DLG3: variants seen among roughly 807,000 people sequenced by gnomAD.
DLG3 encodes disks large homolog 3.
DLG3 carries 1 observed loss-of-function variant against 64.1 expected under a neutral mutation model. The ratio of observed to expected loss-of-function variants is 0.02; its 90% CI spans 0.01 to 0.07. The LOEUF is 0.07. DLG3 is among the 10% of genes least tolerant of loss of function. The pLI is 1.00. For synonymous variants in DLG3, 245 were observed against 259.8 expected, an observed-to-expected ratio of 0.94 and a Z score of 0.55; for missense variants, 429 against 669.5, an observed-to-expected ratio of 0.64 and a Z score of 3.96.
At chrX:70,447,709 T>C (rs1284211153) in intron 1 of DLG3, among the ~76,000 whole-genome samples, 6 of 112,129 alleles carry the variant, frequency 5.4e-5, no homozygotes, top group Non-Finnish European at 9.4e-5. Context: ...CCAGGGTACC[T>C]GGGGAGACAG....
At chrX:70,447,478 A>G (rs939646362) in intron 1 of DLG3, among the ~76,000 whole-genome samples, 15 of 112,473 alleles carry the variant, frequency 1.3e-4, no homozygotes, top group African/African-American at 4.9e-4. Context: ...ACAGCTGCAG[A>G]GCCAGCCCAG....
chrX:70,453,253 C>T, intron 7 of DLG3: 1 of 187,076 alleles, frequency 5.3e-6, no homozygotes, highest in African/African-American at 3.0e-5. Context: ...CCCCTAACTG[C>T]TTCCTCTTCT....
intron 1 of DLG3, among the ~76,000 whole-genome samples, chrX:70,448,214 T>C (rs1040709804): frequency 8.9e-6 from 1 of 112,375 alleles, no homozygotes; most frequent in African/African-American, 3.2e-5. Context: ...AACTGTCCTT[T>C]TTCCCATGAG....
Position 70,446,754 on chromosome X carries a change from G to A in DLG3, c.357+1196G>A, listed in dbSNP as rs771537181. ...GAGCCAGGTCCCTGGCACGCAAGGC[G>A]GAGGGCCTGTCTGGTTATCCGGCTC... On this transcript the variant is annotated intron_variant, in intron 1 of 18. Transcript: ENST00000374360. 3.5e-5 allele frequency among the ~76,000 whole-genome samples: 4 copies of A among 112,893 alleles called. No individual in the cohort carries two copies. The East Asian group carries it at 8.5e-4, about 24-fold the overall frequency.
Position 70,471,110 on chromosome X carries a change from G to A in DLG3, c.1406-8040G>A, listed in dbSNP as rs145625047. Among the ~76,000 whole-genome samples, 222 of 110,119 alleles carry A rather than the reference G, an allele frequency of 2.0e-3. 2 individuals carry two copies. The highest frequency in any genetic ancestry group is 3.4e-3 in the Non-Finnish European group (178 of 52,845). ...TCCTGTCAGACCTCTATATCCAGTT[G>A]GCACATTCAATAAATGTTGACTCAA... On this transcript the variant is annotated intron_variant, in intron 9 of 18. Coordinates refer to ENST00000374360, the MANE Select transcript of DLG3 (RefSeq NM_021120.4).
intron 10 of DLG3, among the ~76,000 whole-genome samples, chrX:70,481,795 TCCATGAATTA>T (rs2087159656): frequency 8.9e-6 from 1 of 111,891 alleles, no homozygotes; most frequent in East Asian, 2.8e-4. Context: ...CACATTTGTT[TCCATGAATTA>T]CCTGCTTTCT....
chrX:70,487,111 T>C (rs1388530237), intron 10 of DLG3, among the ~76,000 whole-genome samples: 2 of 112,669 alleles, frequency 1.8e-5, no homozygotes, highest in Admixed American at 1.9e-4. Flanking sequence ...TGTTTGACTT[T>C]AGTACGCTGG....
In DLG3 at chrX:70,445,154, G is replaced by T; in HGVS notation, c.-48G>T. The T allele has an allele frequency of 9.7e-7, 1 of 1,031,467 alleles. No individual in the cohort carries two copies. The highest frequency in any genetic ancestry group is 2.2e-5 in the South Asian group (1 of 46,133). 85.0% of individuals were successfully genotyped at this position (1,031,467 alleles called of 1,213,427 possible). ...CGGTGGTGGCGGCGGTGGCGGCGGC[G>T]TGGAATCCGGCGTGGGCTGGGGGGT... On this transcript the variant is annotated 5_prime_UTR_variant, in exon 1 of 19. Coordinates refer to ENST00000374360, the MANE Select transcript of DLG3 (RefSeq NM_021120.4).
chrX:70,480,018 GA>G (rs1398534104), intron 10 of DLG3, among the ~76,000 whole-genome samples: 1 of 111,920 alleles, frequency 8.9e-6, no homozygotes, highest in Non-Finnish European at 1.9e-5. Context: ...TAGAATTAGG[GA>G]TAGCTTCCTT....
intron 9 of DLG3, among the ~76,000 whole-genome samples, chrX:70,465,249 C>T (rs748838889): frequency 3.6e-5 from 4 of 111,967 alleles, no homozygotes; most frequent in East Asian, 2.8e-4. Flanking sequence ...TAGGGAAATA[C>T]GGTAGATGCA....
chrX:70,482,813 G>A (rs987020042), intron 10 of DLG3, among the ~76,000 whole-genome samples: 2 of 107,395 alleles, frequency 1.9e-5, no homozygotes, highest in Non-Finnish European at 3.8e-5. Flanking sequence ...GACTACAGGC[G>A]CCTGCCACCA....
intron 9 of DLG3, among the ~76,000 whole-genome samples, chrX:70,471,465 G>GA (rs2086969084): frequency 9.1e-6 from 1 of 110,101 alleles, no homozygotes; most frequent in South Asian, 4.0e-4. Context: ...GAGAAGCTGG[G>GA]ACTACAGGCG....
At chrX:70,461,574 C>CCTTT (rs1235371188) in intron 9 of DLG3, among the ~76,000 whole-genome samples, 2 of 100,953 alleles carry the variant, frequency 2.0e-5, no homozygotes, top group African/African-American at 7.1e-5. Flanking sequence ...AGGGCCCCCC[C>CCTTT]TTTTTTTTTT....
Position 70,453,810 on chromosome X carries a change from G to C in DLG3, c.1302+17G>C, listed in dbSNP as rs2086655618. ...ATCTTATCGGTGAGGAGACAAAGGA[G>C]AGGTGGGAGGATGGGAACTGTGCCA... On this transcript the variant is annotated intron_variant, in intron 8 of 18. Transcript: ENST00000374360. The C allele has an allele frequency of 8.6e-7, 1 of 1,166,102 alleles. No individual in the cohort carries two copies. Among genetic ancestry groups the C allele is most frequent in the Non-Finnish European group, 1.2e-6 (1 of 867,083 alleles).
At chrX:70,457,782 A>G (rs2086738413) in intron 9 of DLG3, among the ~76,000 whole-genome samples, 1 of 110,918 alleles carries the variant, frequency 9.0e-6, no homozygotes, top group Admixed American at 9.6e-5. Flanking sequence ...CATGTTAGCC[A>G]GGATGGTCTC....
At chrX:70,471,502 T>C (rs2147822434) in intron 9 of DLG3, among the ~76,000 whole-genome samples, 1 of 110,580 alleles carries the variant, frequency 9.0e-6, no homozygotes, top group South Asian at 4.0e-4. Context: ...GCTAATTTTT[T>C]GTATTTTCAG....
intron 18 of DLG3, 36 bp from the exon 19 acceptor site, chrX:70,502,127 A>G (rs1401281873): frequency 9.5e-7 from 1 of 1,056,997 alleles, no homozygotes; most frequent in Admixed American, 2.2e-5. Context: ...TGTGCTATGG[A>G]CCACAGTAAT....
At chrX:70,464,828 C>G (rs1418692717) in intron 9 of DLG3, among the ~76,000 whole-genome samples, 1 of 110,859 alleles carries the variant, frequency 9.0e-6, no homozygotes, top group Non-Finnish European at 1.9e-5. Context: ...TGGTGGTACA[C>G]CCCTGTAATC....
intron 9 of DLG3, among the ~76,000 whole-genome samples, chrX:70,463,416 G>A (rs1180181915): frequency 9.0e-6 from 1 of 111,093 alleles, no homozygotes; most frequent in African/African-American, 3.3e-5. Context: ...CAAAGTGCTG[G>A]GATTACAGGC....
Sources: allele counts gnomAD v4.1 joint callset (sites outside exome capture counted in the v4.1 genomes callset), GRCh38; gene constraint gnomAD v4.1.1; transcripts MANE v1.5; gene names NCBI Gene and HGNC (gene_info 2026-07-23, HGNC 2026-07-21).